The following DUSP15 variants were observed in gnomAD, a reference collection of about 807,000 sequenced individuals.
The protein encoded by DUSP15 is dual specificity phosphatase 15, also known as dual specificity protein phosphatase 15.
In DUSP15, 23 loss-of-function variants were observed where a neutral mutation model predicts 26.3. The ratio of observed to expected loss-of-function variants is 0.87; its 90% CI spans 0.63 to 1.24. DUSP15 has a LOEUF of 1.24. Among genes scored for constraint, DUSP15 ranks in the 50% most tolerant of loss-of-function variants. The pLI is 0.00. For synonymous variants in DUSP15, 143 were observed against 135.5 expected (o/e 1.06, Z -0.39); for missense variants, 364 against 320.6 (o/e 1.14, Z -1.03).
chr20:31,870,013 G>A lies in DUSP15; in HGVS notation c.21+304C>T. 3 of 1,332,134 alleles carry A rather than the reference G, an allele frequency of 2.3e-6. No individual in the cohort carries two copies. Among genetic ancestry groups the A allele is most frequent in the Non-Finnish European group, 2.9e-6 (3 of 1,042,788 alleles). The allele number at this position is 1,332,134 out of a possible 1,614,324, so 82.5% of individuals were successfully genotyped here. A position where few individuals can be genotyped will look rare whatever the true frequency, so the allele number is the denominator to read the frequency against. ...GAGAGCCGAGGAGTCAGCGACAAGG[G>A]AGAGGGACACATGCAGACGGAGAGC... On this transcript the variant is annotated intron_variant, in intron 1 of 6. Coordinates refer to ENST00000339738, the MANE Select transcript of DUSP15 (RefSeq NM_080611.5). The surrounding 1 kb of genome is among the most constrained non-coding windows in gnomAD (Gnocchi z 6.6).
downstream of DUSP15, chr20:31,845,617 G>A (rs529098872): frequency 2.8e-5 from 43 of 1,548,880 alleles, no homozygotes; most frequent in Non-Finnish European, 3.7e-5. Flanking sequence ...GGAATAGCCT[G>A]CCCAGGCTGG....
intron 6 of DUSP15, among the ~76,000 whole-genome samples, chr20:31,855,482 T>C (rs1272917692): frequency 6.6e-6 from 1 of 152,042 alleles, no homozygotes; most frequent in Non-Finnish European, 1.5e-5. Context: ...AGCTAGATCA[T>C]GAATGTCCTT....
chr20:31,853,071 C>T, intron 6 of DUSP15, among the ~76,000 whole-genome samples: 1 of 152,044 alleles, frequency 6.6e-6, no homozygotes, highest in East Asian at 1.9e-4. Context: ...TGCCCCTTGC[C>T]CTCTCTCTCC....
At chr20:31,848,578 G>A (rs781644803) in intron 9 of DUSP15, 2 of 1,559,238 alleles carry the variant, frequency 1.3e-6, no homozygotes, top group Non-Finnish European at 8.7e-7. Flanking sequence ...GCGGGGGCGG[G>A]TGGGGCGATG....
chr20:31,849,900 GC>G (rs1373565161), intron 7 of DUSP15: 1 of 1,458,484 alleles, frequency 6.9e-7, no homozygotes, highest in African/African-American at 1.5e-5. Context: ...GGGTGCACGG[GC>G]TGGACGTGGG....
chr20:31,852,869 GA>G (rs1261279789), intron 6 of DUSP15, among the ~76,000 whole-genome samples: 1 of 152,218 alleles, frequency 6.6e-6, no homozygotes, highest in Non-Finnish European at 1.5e-5. Flanking sequence ...TTGCAGCCCA[GA>G]AGGTGGCGCT....
chr20:31,869,863 G>A (rs1011999635), intron 1 of DUSP15: 78 of 1,405,410 alleles, frequency 5.5e-5, no homozygotes, highest in Admixed American at 1.2e-4. Context: ...GAGGAAGGCA[G>A]GTCTTAGGAG....
chr20:31,861,355 C>G lies in DUSP15; in HGVS notation c.*48G>C. ...GGGGGCGTGGAAGGCGCAGACAGCC[C>G]CCGAAGGGAGCCAGTCGGAAGTGGG... On this transcript the variant is annotated 3_prime_UTR_variant, in exon 7 of 7. Coordinates refer to ENST00000339738, the MANE Select transcript of DUSP15 (RefSeq NM_080611.5). 6.8e-7 allele frequency: 1 copy of G among 1,469,308 alleles called. No individual in the cohort carries two copies. The highest frequency in any genetic ancestry group is 1.4e-5 in the South Asian group (1 of 73,750). 91.0% of individuals were successfully genotyped at this position (1,469,308 alleles called of 1,614,324 possible). A position where few individuals can be genotyped will look rare whatever the true frequency, so the allele number is the denominator to read the frequency against.
chr20:31,866,107 A>G (rs60515256), intron 3 of DUSP15, among the ~76,000 whole-genome samples: 13,103 of 152,192 alleles, frequency 0.086, 752 homozygotes, highest in African/African-American at 0.15. Context: ...CAAATCTGAC[A>G]TATGGGAAAA....
intron 6 of DUSP15, among the ~76,000 whole-genome samples, chr20:31,852,952 G>C (rs1480958457): frequency 6.6e-6 from 1 of 152,212 alleles, no homozygotes; most frequent in Non-Finnish European, 1.5e-5. Context: ...CCAAATGCTT[G>C]CCCTTGTGCA....
At chr20:31,850,801 G>T in intron 6 of DUSP15, 1 of 985,886 alleles carries the variant, frequency 1.0e-6, no homozygotes. Context: ...GTCAACCAAA[G>T]GGCCTGGAGG....
At chr20:31,848,838 G>C (rs12480322) in exon 9 of DUSP15, 120,091 of 1,608,866 alleles carry the variant, frequency 0.075, 6,536 homozygotes, top group African/African-American at 0.28. Context: ...TTGGGGTGCT[G>C]TGTGGGGCCC....
intron 3 of DUSP15, among the ~76,000 whole-genome samples, chr20:31,866,610 T>A (rs1435912491): frequency 1.3e-5 from 2 of 152,214 alleles, no homozygotes; most frequent in Non-Finnish European, 2.9e-5. Flanking sequence ...GTGCAAAGCA[T>A]CTTCACCATC....
exon 10 of DUSP15, chr20:31,848,216 A>G (rs1372022820): frequency 1.8e-6 from 1 of 557,684 alleles, no homozygotes; most frequent in Non-Finnish European, 3.0e-6. Flanking sequence ...CCGAAGCCCC[A>G]TGCCCAGCTG....
intron 1 of DUSP15, chr20:31,869,954 C>T: frequency 7.4e-7 from 1 of 1,352,222 alleles, no homozygotes; most frequent in Non-Finnish European, 9.5e-7. Context: ...CAATGACAGG[C>T]AGAGGCGGGA....
intron 4 of DUSP15, 180 bp from the exon 5 acceptor site, chr20:31,864,161 G>C: frequency 7.2e-7 from 1 of 1,397,050 alleles, no homozygotes; most frequent in South Asian, 1.6e-5. Flanking sequence ...TTTGTGTGAA[G>C]CAAGAATGGT....
At chr20:31,869,317 AGGCTGAAT>A (rs1313221307) in intron 2 of DUSP15, among the ~76,000 whole-genome samples, 1 of 152,180 alleles carries the variant, frequency 6.6e-6, no homozygotes, top group Non-Finnish European at 1.5e-5. Flanking sequence ...ACACTGGGGA[AGGCTGAAT>A]GGCGGGGAGG....
chr20:31,864,050 C>A (rs2062717864), intron 4 of DUSP15, 69 bp from the exon 5 acceptor site: 1 of 1,604,388 alleles, frequency 6.2e-7, no homozygotes, highest in East Asian at 2.2e-5. Context: ...CCGCCCCCAC[C>A]CCAATTACAG....
intron 6 of DUSP15, among the ~76,000 whole-genome samples, chr20:31,851,526 T>C (rs2062471163): frequency 6.6e-6 from 1 of 151,196 alleles, no homozygotes; most frequent in Non-Finnish European, 1.5e-5. Context: ...AAACTGAAGA[T>C]GGTGGAGGTG....
Sources: allele counts gnomAD v4.1 joint callset (sites outside exome capture counted in the v4.1 genomes callset), GRCh38; gene constraint gnomAD v4.1.1; non-coding constraint Gnocchi (gnomAD v3.1); transcripts MANE v1.5; gene names NCBI Gene and HGNC (gene_info 2026-07-23, HGNC 2026-07-21).